Variants in SCAPER observed in about 807,000 individuals in gnomAD.
SCAPER encodes the protein S-phase cyclin A associated protein in the ER, also known as S phase cyclin A-associated protein in the endoplasmic reticulum.
SCAPER carries 98 observed loss-of-function variants against 182.2 expected under a neutral mutation model. The observed-to-expected ratio is 0.54, with a 90% CI of 0.46 to 0.64. The LOEUF (loss-of-function observed/expected upper bound fraction) is 0.64. Ranked by LOEUF, SCAPER falls within the 30% of genes least tolerant of loss-of-function variation. The pLI is 0.00. For missense variants in SCAPER, 1,432 were observed against 1,690.0 expected, an observed-to-expected ratio of 0.85 and a Z score of 2.68; for synonymous variants, 605 against 564.6, an observed-to-expected ratio of 1.07 and a Z score of -1.01.
intron 9 of SCAPER, among the ~76,000 whole-genome samples, 172 bp from the exon 10 acceptor site, chr15:76,772,126 A>G (rs965744242): frequency 2.0e-5 from 3 of 152,084 alleles, no homozygotes; most frequent in African/African-American, 7.2e-5. Flanking sequence ...ACAAAAGGAC[A>G]GGGACCATTA....
intron 22 of SCAPER, among the ~76,000 whole-genome samples, chr15:76,594,651 G>A (rs1361254729): frequency 8.2e-6 from 1 of 121,808 alleles, no homozygotes; most frequent in Admixed American, 9.3e-5. Flanking sequence ...CTACAAGCCA[G>A]AAGAGAGTAG....
At chr15:76,637,767 TG>T (rs2053755935) in intron 21 of SCAPER, among the ~76,000 whole-genome samples, 1 of 141,188 alleles carries the variant, frequency 7.1e-6, no homozygotes, top group Non-Finnish European at 1.5e-5. Flanking sequence ...TGTGTGTGTG[TG>T]TGTGTGTGTG....
At chr15:76,402,396 C>G (rs1177372120) in intron 27 of SCAPER, among the ~76,000 whole-genome samples, 1 of 152,146 alleles carries the variant, frequency 6.6e-6, no homozygotes, top group Non-Finnish European at 1.5e-5. Flanking sequence ...GGCAGATGAC[C>G]ACGTGAACCA....
intron 30 of SCAPER, among the ~76,000 whole-genome samples, chr15:76,351,829 T>G (rs2040569762): frequency 6.6e-6 from 1 of 152,224 alleles, no homozygotes; most frequent in Non-Finnish European, 1.5e-5. Context: ...CTATATTCAT[T>G]CTCTTGAGCA....
intron 24 of SCAPER, among the ~76,000 whole-genome samples, chr15:76,474,332 G>A (rs555892302): frequency 1.3e-5 from 2 of 152,310 alleles, no homozygotes; most frequent in South Asian, 4.1e-4. Context: ...TCCTTATGGA[G>A]CTGATGCTCT....
chr15:76,409,396 T>C (rs573527365), intron 26 of SCAPER, among the ~76,000 whole-genome samples: 32 of 152,058 alleles, frequency 2.1e-4, no homozygotes, highest in Non-Finnish European at 3.8e-4. Flanking sequence ...AATAAATGGG[T>C]CTCTCCATTT....
chr15:76,811,610 G>C (rs1001858679), intron 5 of SCAPER, among the ~76,000 whole-genome samples: 2 of 151,958 alleles, frequency 1.3e-5, no homozygotes, highest in Admixed American at 1.3e-4. Context: ...GATCAACATG[G>C]AGAAACCCCT....
intron 21 of SCAPER, among the ~76,000 whole-genome samples, chr15:76,664,036 G>T (rs945843229): frequency 1.3e-5 from 2 of 152,104 alleles, no homozygotes; most frequent in African/African-American, 4.8e-5. Flanking sequence ...TCATTGATAA[G>T]GTGACATTTG....
chr15:76,661,569 T>C (rs1437430930), intron 21 of SCAPER, among the ~76,000 whole-genome samples: 3 of 151,792 alleles, frequency 2.0e-5, no homozygotes, highest in Non-Finnish European at 4.4e-5. Context: ...CCAGCAAACA[T>C]ATATTAAAAA....
chr15:76,531,316 A>G (rs911429618), intron 23 of SCAPER, among the ~76,000 whole-genome samples: 1 of 152,092 alleles, frequency 6.6e-6, no homozygotes, highest in Non-Finnish European at 1.5e-5. Flanking sequence ...AGTCTGGAAA[A>G]ACACTCCCTA....
intron 25 of SCAPER, among the ~76,000 whole-genome samples, chr15:76,464,650 T>C (rs770274628): frequency 6.6e-6 from 1 of 152,188 alleles, no homozygotes; most frequent in East Asian, 1.9e-4. Context: ...CACTCATTTG[T>C]TGATGAATAT....
chr15:76,653,465 A>G (rs564911548), intron 21 of SCAPER, among the ~76,000 whole-genome samples: 1 of 152,352 alleles, frequency 6.6e-6, no homozygotes, highest in East Asian at 1.9e-4. Context: ...TTCAAGCTAT[A>G]CTATAAAGCC....
intron 28 of SCAPER, among the ~76,000 whole-genome samples, chr15:76,377,245 T>C (rs1246696440): frequency 6.6e-6 from 1 of 152,178 alleles, no homozygotes; most frequent in African/African-American, 2.4e-5. Flanking sequence ...TTAGCGAGCA[T>C]TCCTGAAACA....
At chr15:76,401,844 T>C (rs977228251) in intron 27 of SCAPER, among the ~76,000 whole-genome samples, 3 of 152,178 alleles carry the variant, frequency 2.0e-5, no homozygotes, top group Admixed American at 2.0e-4. Context: ...ATCAAGGATG[T>C]GTTAAAGAAC....
At chr15:76,805,438 C>G (rs574775810) in intron 5 of SCAPER, among the ~76,000 whole-genome samples, 112 of 152,096 alleles carry the variant, frequency 7.4e-4, no homozygotes, top group African/African-American at 2.6e-3. Flanking sequence ...TGCTTTCTGA[C>G]TTTTTTATCC....
At chr15:76,408,555 G>A (rs1165009392) in intron 26 of SCAPER, among the ~76,000 whole-genome samples, 1 of 151,916 alleles carries the variant, frequency 6.6e-6, no homozygotes, top group Non-Finnish European at 1.5e-5. Context: ...TAGGGCTCTT[G>A]ATATACATAG....
intron 22 of SCAPER, among the ~76,000 whole-genome samples, chr15:76,579,441 A>G (rs1373459439): frequency 6.6e-6 from 1 of 151,868 alleles, no homozygotes; most frequent in Non-Finnish European, 1.5e-5. Context: ...TTATGCAAGT[A>G]GTGTTAAGTT....
At chr15:76,716,088 G>A (rs978382621) in intron 17 of SCAPER, among the ~76,000 whole-genome samples, 1 of 152,078 alleles carries the variant, frequency 6.6e-6, no homozygotes, top group Non-Finnish European at 1.5e-5. Flanking sequence ...CTACTTTGGG[G>A]AAGACAAGAA....
At chr15:76,576,554 T>C (rs1194779633) in intron 22 of SCAPER, among the ~76,000 whole-genome samples, 2 of 152,048 alleles carry the variant, frequency 1.3e-5, no homozygotes, top group African/African-American at 4.8e-5. Flanking sequence ...TGAACAACTA[T>C]CCACATAAAA....
Sources: gnomAD v4.1 joint callset for allele counts (sites outside exome capture counted in the v4.1 genomes callset) on GRCh38, gnomAD v4.1.1 for gene constraint, MANE v1.5 for transcripts, NCBI Gene and HGNC (gene_info 2026-07-23, HGNC 2026-07-21) for gene names.